Variants in SMOC1 observed in about 807,000 individuals in gnomAD.
SMOC1 encodes the protein SPARC related modular calcium binding 1.
A neutral mutation model predicts 56.3 loss-of-function variants in SMOC1; 22 were observed. That is an observed-to-expected ratio of 0.39 (90% CI 0.28 to 0.56). The LOEUF (loss-of-function observed/expected upper bound fraction) is 0.56. Among genes scored for constraint, SMOC1 ranks in the 20% least tolerant of loss-of-function variants. The probability of loss-of-function intolerance (pLI) is 0.61; values close to 1 mark genes in which losing one functional copy is unlikely to be tolerated. For synonymous variants in SMOC1, 193 were observed against 215.0 expected, an observed-to-expected ratio of 0.90 and a Z score of 0.89; for missense variants, 509 against 565.4, an observed-to-expected ratio of 0.90 and a Z score of 1.01.
chr14:69,928,217 C>T (rs1006651908), intron 1 of SMOC1, among the ~76,000 whole-genome samples: 1 of 151,870 alleles, frequency 6.6e-6, no homozygotes, highest in Admixed American at 6.5e-5. Context: ...GGCTGGAAAG[C>T]AGGAGGTTGG....
rs569411014 is a variant in SMOC1 at position 69,978,037 on chromosome 14, A to G, written c.526+72A>G. 3.4e-5 allele frequency: 42 copies of G among 1,225,184 alleles called. 1 individual carries two copies. The South Asian group carries it at 4.4e-4, about 13-fold the overall frequency. The allele number at this position is 1,225,184 out of a possible 1,614,324, so 75.9% of individuals were successfully genotyped here. A position where few individuals can be genotyped will look rare whatever the true frequency, so the allele number is the denominator to read the frequency against. ...GTCCAAGCAGGATTTCTTAGATGAG[A>G]TAGAAGGAGCCTGGGGTGAAAGCCT... is the stretch of plus-strand genomic sequence containing the variant. On this transcript the variant is annotated intron_variant, in intron 5 of 11. Coordinates refer to ENST00000361956, the MANE Select transcript of SMOC1 (RefSeq NM_001034852.3).
rs1168813010 is a variant in SMOC1, at chr14:70,031,066, C to A, written c.*808C>A. 6.6e-6 allele frequency: 1 copy of A among 152,148 alleles called. No individual in the cohort carries two copies. Among genetic ancestry groups the A allele is most frequent in the South Asian group, 2.1e-4 (1 of 4,826 alleles). The allele number at this position is 152,148 out of a possible 1,614,324, so 9.4% of individuals were successfully genotyped here. On this transcript the variant is annotated 3_prime_UTR_variant, in exon 12 of 12. Coordinates refer to ENST00000361956, the MANE Select transcript of SMOC1 (RefSeq NM_001034852.3). ...GGTGGGTGCACCAGTATCTTAGTGACCCTCGGAGCAAATTATCCACAAAGG... is the reference window on the plus strand; with the variant it reads ...GGTGGGTGCACCAGTATCTTAGTGAACCTCGGAGCAAATTATCCACAAAGG...
chr14:70,029,671 G>C (rs1478578031), intron 11 of SMOC1, among the ~76,000 whole-genome samples: 2 of 152,234 alleles, frequency 1.3e-5, no homozygotes, highest in East Asian at 1.9e-4. Flanking sequence ...GTTTGTTGCA[G>C]GTGGTAGCCT....
intron 1 of SMOC1, among the ~76,000 whole-genome samples, chr14:69,889,493 G>T (rs1413165337): frequency 1.3e-5 from 2 of 152,188 alleles, no homozygotes; most frequent in Non-Finnish European, 2.9e-5. Flanking sequence ...TTAAGTGTGA[G>T]TCTGGCTCTG....
chr14:69,896,540 T>C (rs1380891707), intron 1 of SMOC1, among the ~76,000 whole-genome samples: 1 of 152,260 alleles, frequency 6.6e-6, no homozygotes, highest in East Asian at 1.9e-4. Context: ...ATATGAGAGA[T>C]CCCTGTAAGA....
Position 69,987,104 on chromosome 14 carries a change from T to C in SMOC1, c.527-5313T>C, listed in dbSNP as rs74060677. The stretch of plus-strand genomic sequence containing the variant: ...AGAATGAGTTGTCTCCACTTCCACA[T>C]TGAGCCTCAGAATCACATGTGGAGG... On this transcript the variant is annotated intron_variant, in intron 5 of 11. Transcript: ENST00000361956. 3.3e-4 allele frequency among the ~76,000 whole-genome samples: 51 copies of C among 152,320 alleles called. 1 individual carries two copies. The highest frequency in any genetic ancestry group is 2.7e-3 in the East Asian group (14 of 5,186).
chr14:70,027,153 G>A (rs1291198955), intron 11 of SMOC1, among the ~76,000 whole-genome samples: 3 of 152,182 alleles, frequency 2.0e-5, no homozygotes, highest in Admixed American at 6.5e-5. Context: ...GGCTCTGTGG[G>A]TCCTCTAGTC....
intron 7 of SMOC1, among the ~76,000 whole-genome samples, chr14:69,996,631 G>C (rs181338350): frequency 2.7e-4 from 41 of 152,300 alleles, no homozygotes; most frequent in Non-Finnish European, 5.7e-4. Flanking sequence ...CTTTTGTTGG[G>C]GTGGCCTGGC....
intron 1 of SMOC1, among the ~76,000 whole-genome samples, chr14:69,907,026 A>C (rs1884426747): frequency 6.6e-6 from 1 of 152,198 alleles, no homozygotes; most frequent in African/African-American, 2.4e-5. Context: ...TCTTGAGGGA[A>C]ATAGGAGGAG....
intron 7 of SMOC1, among the ~76,000 whole-genome samples, chr14:70,002,559 T>G (rs1224430526): frequency 6.6e-6 from 1 of 152,164 alleles, no homozygotes; most frequent in African/African-American, 2.4e-5. Flanking sequence ...CCAGAGCCCC[T>G]GCATAACTCT....
At chr14:70,004,997 C>T (rs763626971) in intron 7 of SMOC1, among the ~76,000 whole-genome samples, 2 of 152,216 alleles carry the variant, frequency 1.3e-5, no homozygotes, top group Non-Finnish European at 2.9e-5. Context: ...TAACTGCTGA[C>T]TGCATGTGCA....
chr14:70,017,600 T>C (rs1437996102), intron 10 of SMOC1, among the ~76,000 whole-genome samples: 1 of 152,076 alleles, frequency 6.6e-6, no homozygotes, highest in African/African-American at 2.4e-5. Flanking sequence ...GGATAGAAGA[T>C]GTTTGGACAG....
In SMOC1 at chr14:69,952,277, G is replaced by A. The variant is rs1364558429; in HGVS notation, c.239G>A (p.Gly80Asp). ...GCCAAGTGCCGAGACCCGACCCTGGGCGTGGTGCATCGAGGTAGATGCAAA... is the reference window on the plus strand; with the variant it reads ...GCCAAGTGCCGAGACCCGACCCTGGACGTGGTGCATCGAGGTAGATGCAAA... ...QRAKCRDPTL[G>D]VVHRGRCKDA... The change falls in exon 2 of 12, where the codon GGC becomes GAC. Residue 80 changes from glycine (G) to aspartate (D), a missense_variant. Gly to Asp is a moderately conservative substitution (Grantham distance 94). Around this residue, in one of 3 missense-constraint regions of SMOC1, gnomAD observed 315 missense variants for 333.1 expected, o/e 0.95. Transcript: ENST00000361956. 4.3e-6 allele frequency: 7 copies of A among 1,614,186 alleles called. No individual in the cohort carries two copies. The highest frequency in any genetic ancestry group is 5.9e-6 in the Non-Finnish European group (7 of 1,180,034).
intron 1 of SMOC1, among the ~76,000 whole-genome samples, chr14:69,887,007 A>G (rs1165636603): frequency 1.3e-5 from 2 of 152,210 alleles, no homozygotes; most frequent in Non-Finnish European, 2.9e-5. Flanking sequence ...CTCCGGCTCT[A>G]TGTGCCCAGG....
chr14:70,011,460 C>G (rs757166376), intron 8 of SMOC1, 25 bp from the exon 9 acceptor site: 25 of 1,517,770 alleles, frequency 1.6e-5, no homozygotes, highest in Non-Finnish European at 2.2e-5. Flanking sequence ...CCCTCCCAAC[C>G]CCCCCCATAT....
intron 1 of SMOC1, among the ~76,000 whole-genome samples, chr14:69,895,214 TGC>T (rs762353194): frequency 1.2e-4 from 18 of 152,368 alleles, no homozygotes; most frequent in Admixed American, 2.0e-4. Flanking sequence ...TCCCCGTCCT[TGC>T]CACCTGACTA....
rs1886110311 is a variant in SMOC1, at chr14:70,030,544, G to C, written c.*286G>C. The C allele has an allele frequency of 3.2e-6, 1 of 315,240 alleles. No homozygotes were observed. Among genetic ancestry groups the C allele is most frequent in the African/African-American group, 2.2e-5 (1 of 45,228 alleles). 19.5% of individuals were successfully genotyped at this position (315,240 alleles called of 1,614,324 possible). Reference sequence around the variant, plus strand: ...TACTGACAACTTTTAGAGGGTTTTGGGGGGGTGGGGGAGGGTGTTGTTGGG... The same window carrying C: ...TACTGACAACTTTTAGAGGGTTTTGCGGGGGTGGGGGAGGGTGTTGTTGGG... On this transcript the variant is annotated 3_prime_UTR_variant, in exon 12 of 12. Coordinates refer to ENST00000361956, the MANE Select transcript of SMOC1 (RefSeq NM_001034852.3).
chr14:69,882,703 C>G (rs578144147), intron 1 of SMOC1, among the ~76,000 whole-genome samples: 13 of 152,272 alleles, frequency 8.5e-5, no homozygotes, highest in Admixed American at 3.3e-4. Context: ...GGCCGATGGT[C>G]AAGCCAACTG....
intron 1 of SMOC1, among the ~76,000 whole-genome samples, chr14:69,897,577 A>G (rs967708154): frequency 1.3e-5 from 2 of 152,046 alleles, no homozygotes; most frequent in African/African-American, 4.8e-5. Flanking sequence ...TTAAAAAAAA[A>G]AAAACTTTTC....
Sources: gnomAD v4.1 joint callset for allele counts (sites outside exome capture counted in the v4.1 genomes callset) on GRCh38, gnomAD v4.1.1 for gene constraint, gnomAD v4.1.1 regional missense constraint, MANE v1.5 for transcripts, NCBI Gene and HGNC (gene_info 2026-07-23, HGNC 2026-07-21) for gene names.